The following USP24 variants were observed in gnomAD, a reference collection of about 807,000 sequenced individuals.
USP24 encodes the protein ubiquitin specific peptidase 24.
USP24 carries 97 observed loss-of-function variants against 361.6 expected under a neutral mutation model. That is an observed-to-expected ratio of 0.27 (90% confidence interval 0.23 to 0.32). The LOEUF (loss-of-function observed/expected upper bound fraction) is 0.32. Ranked by LOEUF, USP24 falls within the 10% of genes least tolerant of loss-of-function variation. USP24 has a pLI of 1.00. For synonymous variants in USP24, 1,098 were observed against 1,124.6 expected, an observed-to-expected ratio of 0.98 and a Z score of 0.47; for missense variants, 2,353 against 3,165.6, an observed-to-expected ratio of 0.74 and a Z score of 6.16.
chr1:55,114,120 C>G (rs1646036432), intron 38 of USP24, among the ~76,000 whole-genome samples: 1 of 152,004 alleles, frequency 6.6e-6, no homozygotes, highest in Admixed American at 6.6e-5. Context: ...ATAGACAAAT[C>G]ATGAGTGAAC....
Position 55,106,204 on chromosome 1 carries a change from A to T in USP24, c.4822T>A (p.Leu1608Ile). ...DFLFRASRII[L>I]NSHSPAGSAA... ...CTGCCAGCTGGAGAATGACTATTTA[A>T]AATAATTCTAGAAGCTCGGAAAAGG... Residue 1608 changes from leucine to isoleucine, a missense_variant, in exon 41 of 68, where the codon TTA becomes ATA. By Grantham distance (5) the Leu-to-Ile change is conservative (BLOSUM62 2). Around this residue, in one of 8 missense-constraint regions of USP24, gnomAD observed 949 missense variants for 1,280.5 expected, o/e 0.74. Transcript: ENST00000294383. 2 of 1,614,008 alleles carry T rather than the reference A, an allele frequency of 1.2e-6. No homozygotes were observed. Among genetic ancestry groups the T allele is most frequent in the South Asian group, 2.2e-5 (2 of 91,082 alleles).
chr1:55,148,525 A>C lies in USP24; in HGVS notation c.1906T>G (p.Leu636Val). 1 of 1,596,456 alleles carries C rather than the reference A, an allele frequency of 6.3e-7. No homozygotes were observed. Among genetic ancestry groups the C allele is most frequent in the African/African-American group, 1.3e-5 (1 of 74,776 alleles). Residue 636 changes from leucine (L) to valine (V), a missense_variant, in exon 17 of 68, where the codon TTG (leucine) becomes GTG (valine). Physicochemically the swap from Leu to Val is conservative, Grantham distance 32 (BLOSUM62 1). Transcript: ENST00000294383. Reference protein sequence around the residue: ...NPQFVWVVPALRQLHEITRSF... With the variant: ...NPQFVWVVPAVRQLHEITRSF... The stretch of plus-strand genomic sequence containing the variant: ...CGAGTAATTTCATGGAGCTGACGCA[A>C]AGCTGGTACCACCCATACAAACTGG...
intron 16 of USP24, chr1:55,151,875 G>T: frequency 2.0e-6 from 2 of 983,950 alleles, no homozygotes; most frequent in South Asian, 9.4e-5. Flanking sequence ...GTAGCTGAGG[G>T]TGGGAGGGGA....
At chr1:55,081,724 C>G (rs1323627934) in intron 58 of USP24, among the ~76,000 whole-genome samples, 1 of 152,212 alleles carries the variant, frequency 6.6e-6, no homozygotes, top group Non-Finnish European at 1.5e-5. Context: ...CCTGCCTCTA[C>G]CACTCACTGT....
intron 38 of USP24, among the ~76,000 whole-genome samples, chr1:55,110,652 A>G (rs576016042): frequency 1.9e-3 from 288 of 152,304 alleles, no homozygotes; most frequent in African/African-American, 6.8e-3. Flanking sequence ...CACATTTGTC[A>G]AGTGGTAATA....
intron 49 of USP24, 150 bp from the exon 50 acceptor site, chr1:55,096,772 T>C (rs1449134931): frequency 1.4e-6 from 2 of 1,401,522 alleles, no homozygotes; most frequent in African/African-American, 1.4e-5. Context: ...TATTTCAATT[T>C]CTAAAACAAC....
chr1:55,213,488 A>C (rs989070455), intron 1 of USP24, among the ~76,000 whole-genome samples: 1 of 152,210 alleles, frequency 6.6e-6, no homozygotes, highest in African/African-American at 2.4e-5. Flanking sequence ...AAAGGATATA[A>C]CACTGCTCAG....
At chr1:55,214,206 C>A (rs756413552) in intron 1 of USP24, among the ~76,000 whole-genome samples, 22 of 152,052 alleles carry the variant, frequency 1.4e-4, no homozygotes, top group African/African-American at 4.8e-4. Context: ...CAATGCCCCC[C>A]CTTTCCGACC....
At chr1:55,140,097 A>C (rs555788756) in intron 24 of USP24, among the ~76,000 whole-genome samples, 5 of 152,218 alleles carry the variant, frequency 3.3e-5, no homozygotes, top group South Asian at 2.1e-4. Flanking sequence ...TTCAAATTCG[A>C]CTTTGAAGCT....
chr1:55,124,543 A>G lies in USP24; in HGVS notation c.4046T>C (p.Val1349Ala). The G allele has an allele frequency of 6.2e-7, 1 of 1,613,924 alleles. No homozygotes were observed. Among genetic ancestry groups the G allele is most frequent in the Non-Finnish European group, 8.5e-7 (1 of 1,179,862 alleles). The change falls in exon 35 of 68, where the codon GTT becomes GCT. Residue 1349 changes from valine (V) to alanine (A), a missense_variant. Physicochemically the swap from Val to Ala is moderately conservative, Grantham distance 64 (BLOSUM62 0). Around this residue, in one of 8 missense-constraint regions of USP24, gnomAD observed 949 missense variants for 1,280.5 expected, o/e 0.74. Coordinates refer to ENST00000294383, the MANE Select transcript of USP24 (RefSeq NM_015306.3). ...TTCTTTAATTGGCTGGCTACTCCCA[A>G]CAAGATCAAGCCGTCCTGCAGCCGC... ...WAAAAGRLDL[V>A]GSSQPIKESN...
intron 1 of USP24, among the ~76,000 whole-genome samples, chr1:55,183,376 AATAC>A (rs1644033161): frequency 6.6e-6 from 1 of 152,194 alleles, no homozygotes; most frequent in African/African-American, 2.4e-5. Context: ...TGTATATCTA[AATAC>A]ATACATAGAG....
At chr1:55,151,433 G>A (rs1647188231) in intron 16 of USP24, among the ~76,000 whole-genome samples, 1 of 152,170 alleles carries the variant, frequency 6.6e-6, no homozygotes, top group Non-Finnish European at 1.5e-5. Flanking sequence ...ACTCAGCTAT[G>A]GCTATGTAAG....
At chr1:55,091,952 T>C in intron 54 of USP24, 71 bp downstream of exon 54, 6 of 1,153,610 alleles carry the variant, frequency 5.2e-6, no homozygotes, top group Non-Finnish European at 6.2e-6. Context: ...ATTTTAATTA[T>C]AAATTCAACT....
At chr1:55,130,510 C>T (rs1646559676) in intron 31 of USP24, among the ~76,000 whole-genome samples, 2 of 152,182 alleles carry the variant, frequency 1.3e-5, no homozygotes, top group Admixed American at 1.3e-4. Context: ...ATTTTCTAGT[C>T]TTAAAAAATC....
rs539716586 is a variant in USP24 at position 55,120,545 on chromosome 1, T to C, written c.4508+51A>G. 4 of 1,474,536 alleles carry C rather than the reference T, an allele frequency of 2.7e-6. No individual in the cohort carries two copies. In the African/African-American group the frequency reaches 5.7e-5, roughly 21 times the overall value. The allele number at this position is 1,474,536 out of a possible 1,614,324, so 91.3% of individuals were successfully genotyped here. A position where few individuals can be genotyped will look rare whatever the true frequency, so the allele number is the denominator to read the frequency against. On this transcript the variant is annotated intron_variant, in intron 38 of 67. Coordinates refer to ENST00000294383, the MANE Select transcript of USP24 (RefSeq NM_015306.3). ...CTTCAGGGGAGCAGCACACAAATTATCATTTATCCTCTCTCTGTATAAGGT... is the reference window on the plus strand; with the variant it reads ...CTTCAGGGGAGCAGCACACAAATTACCATTTATCCTCTCTCTGTATAAGGT...
At chr1:55,160,082 C>T (rs1399818046) in intron 8 of USP24, among the ~76,000 whole-genome samples, 4 of 152,162 alleles carry the variant, frequency 2.6e-5, no homozygotes, top group Non-Finnish European at 4.4e-5. Context: ...TTTTTGCTTA[C>T]TGATGTGAAT....
intron 1 of USP24, among the ~76,000 whole-genome samples, chr1:55,208,871 C>T (rs778184555): frequency 4.0e-5 from 6 of 150,314 alleles, no homozygotes; most frequent in Non-Finnish European, 7.4e-5. Context: ...GGAAGGCGGA[C>T]GTTGCAGTGA....
intron 60 of USP24, among the ~76,000 whole-genome samples, chr1:55,079,083 C>G (rs750419647): frequency 6.6e-6 from 1 of 151,684 alleles, no homozygotes; most frequent in East Asian, 1.9e-4. Context: ...GAGTCCACAG[C>G]TGGGGGCGGC....
intron 2 of USP24, 54 bp downstream of exon 2, chr1:55,177,913 T>A (rs2100824180): frequency 6.7e-7 from 1 of 1,499,644 alleles, no homozygotes; most frequent in South Asian, 1.3e-5. Flanking sequence ...AAGATTAAAC[T>A]CAGGCCTTCT....
Sources: allele counts gnomAD v4.1 joint callset (sites outside exome capture counted in the v4.1 genomes callset), GRCh38; gene constraint gnomAD v4.1.1; regional missense constraint gnomAD v4.1.1; transcripts MANE v1.5; gene names NCBI Gene and HGNC (gene_info 2026-07-23, HGNC 2026-07-21).